The following WDR27 variants were observed in gnomAD, a reference collection of about 807,000 sequenced individuals.
WDR27 encodes the protein WD repeat-containing protein 27.
A neutral mutation model predicts 114.4 loss-of-function variants in WDR27; 100 were observed. The ratio of observed to expected loss-of-function variants is 0.87; its 90% CI spans 0.74 to 1.03. The LOEUF is 1.03. Among genes scored for constraint, WDR27 ranks in the 50% least tolerant of loss-of-function variants. The pLI is 0.00. For synonymous variants in WDR27, 449 were observed against 423.1 expected (o/e 1.06, Z -0.75); for missense variants, 1,129 against 1,092.9 (o/e 1.03, Z -0.47).
chr6:169,603,213 A>G (rs2128172110), intron 22 of WDR27, among the ~76,000 whole-genome samples: 1 of 151,520 alleles, frequency 6.6e-6, no homozygotes, highest in South Asian at 2.1e-4. Context: ...GCACTGTTGC[A>G]ATGGCCAAGA....
At chr6:169,666,610 T>C (rs1827893933) in intron 6 of WDR27, 2 of 985,628 alleles carry the variant, frequency 2.0e-6, no homozygotes, top group Middle Eastern at 5.2e-4. Flanking sequence ...GACGGACGCC[T>C]GCACCATCAA....
downstream of WDR27, among the ~76,000 whole-genome samples, chr6:169,452,570 A>T (rs190661099): frequency 2.4e-3 from 181 of 74,942 alleles, 5 homozygotes; most frequent in East Asian, 0.043. Flanking sequence ...GCGTGGGGTC[A>T]GAGAGGAGCC....
intron 2 of WDR27, among the ~76,000 whole-genome samples, chr6:169,688,616 T>C (rs1305699769): frequency 6.6e-6 from 1 of 152,028 alleles, no homozygotes; most frequent in Admixed American, 6.5e-5. Flanking sequence ...CCAAATCACT[T>C]GTGTTCTAAA....
chr6:169,578,015 C>T (rs548057442), intron 24 of WDR27, among the ~76,000 whole-genome samples: 7 of 152,202 alleles, frequency 4.6e-5, no homozygotes, highest in Non-Finnish European at 8.8e-5. Flanking sequence ...TCTCTCTCCC[C>T]AACCATCTTC....
chr6:169,624,482 T>A (rs1373031082), intron 21 of WDR27, among the ~76,000 whole-genome samples: 1 of 152,116 alleles, frequency 6.6e-6, no homozygotes, highest in African/African-American at 2.4e-5. Flanking sequence ...TCGGAACTGC[T>A]TAGGGAGCCG....
intron 25 of WDR27, among the ~76,000 whole-genome samples, chr6:169,519,960 C>G (rs77827315): frequency 6.6e-6 from 1 of 152,008 alleles, no homozygotes; most frequent in Non-Finnish European, 1.5e-5. Context: ...TTGAGGTGGA[C>G]GACCAGCTTC....
intron 7 of WDR27, chr6:169,665,173 C>T (rs1007316163): frequency 1.7e-5 from 19 of 1,093,768 alleles, no homozygotes; most frequent in Non-Finnish European, 2.1e-5. Flanking sequence ...GAGCGGGGGA[C>T]GTCTGCTCAC....
rs927148826 is a variant in WDR27, at chr6:169,662,557, A to G, written c.905-133T>C. The G allele has an allele frequency of 5.0e-6, 6 of 1,196,088 alleles. No individual in the cohort carries two copies. In the African/African-American group the frequency reaches 7.6e-5, roughly 15 times the overall value. The allele number at this position is 1,196,088 out of a possible 1,614,324, so 74.1% of individuals were successfully genotyped here. ...AGTCACTCGGATCACGCGTCGAGGA[A>G]AGCACTAAGGTAACACCCAGCATGA... On this transcript the variant is annotated intron_variant, in intron 8 of 25. Coordinates refer to ENST00000448612, the MANE Select transcript of WDR27 (RefSeq NM_182552.5).
chr6:169,494,922 T>C (rs2115451191), intron 25 of WDR27, among the ~76,000 whole-genome samples: 1 of 152,316 alleles, frequency 6.6e-6, no homozygotes, highest in South Asian at 2.1e-4. Context: ...AATTATTTAC[T>C]CCTTTAAGTA....
intron 21 of WDR27, among the ~76,000 whole-genome samples, chr6:169,624,202 C>T (rs893442236): frequency 2.7e-5 from 4 of 149,148 alleles, no homozygotes; most frequent in Non-Finnish European, 5.9e-5. Flanking sequence ...AGGTGTGCGG[C>T]ATGTGGCAGG....
downstream of WDR27, among the ~76,000 whole-genome samples, chr6:169,455,404 T>G (rs117677013): frequency 1.3e-3 from 205 of 152,378 alleles, 3 homozygotes; most frequent in East Asian, 0.032. Flanking sequence ...CATGTTATTT[T>G]TATTACTACC....
chr6:169,659,939 G>A lies in WDR27; in HGVS notation c.1130-421C>T, dbSNP rs1050183482. 2.6e-5 allele frequency among the ~76,000 whole-genome samples: 4 copies of A among 151,930 alleles called. No homozygotes were observed. Among genetic ancestry groups the A allele is most frequent in the African/African-American group, 4.8e-5 (2 of 41,338 alleles). On this transcript the variant is annotated intron_variant, in intron 10 of 25. Transcript: ENST00000448612. The surrounding 1 kb of genome is among the most constrained non-coding windows in gnomAD (Gnocchi z 4.3). Reference sequence around the variant, plus strand: ...CTGAGCTGGGGAGGGGCAGGGATGGGCGGCTGAAGGGAAGGGCGTGTGTGA... The same window carrying A: ...CTGAGCTGGGGAGGGGCAGGGATGGACGGCTGAAGGGAAGGGCGTGTGTGA...
intron 13 of WDR27, among the ~76,000 whole-genome samples, chr6:169,657,603 G>GT (rs1282054547): frequency 8.0e-4 from 122 of 152,304 alleles, no homozygotes; most frequent in African/African-American, 2.9e-3. Flanking sequence ...GGGTTAGACT[G>GT]GTCACTGAAG....
Position 169,688,985 on chromosome 6 carries a change from AATG to A in WDR27, c.18_20del (p.Ile7del), listed in dbSNP as rs1783773706. ...TTAGACAGCCACCATTACTTGAGAA[AATG>A]TCTTGGGGATTTTCCATCTTCAATC... On this transcript the variant is annotated inframe_deletion, in exon 2 of 26. Coordinates refer to ENST00000448612, the MANE Select transcript of WDR27 (RefSeq NM_182552.5). 1.9e-6 allele frequency: 3 copies of A among 1,612,714 alleles called. No individual in the cohort carries two copies. The highest frequency in any genetic ancestry group is 2.5e-6 in the Non-Finnish European group (3 of 1,179,428).
rs920734121 is a variant in WDR27, at chr6:169,684,939, A to C, written c.189+3878T>G. ...GCCAGACCCCAAGTTGGCTGACCCTATGTGTACATGTGTACCCCCAACCTG... is the reference window on the plus strand; with the variant it reads ...GCCAGACCCCAAGTTGGCTGACCCTCTGTGTACATGTGTACCCCCAACCTG... On this transcript the variant is annotated intron_variant, in intron 2 of 25. Transcript: ENST00000448612. This position sits in a 1 kb window ranked among gnomAD's most constrained non-coding sequence, Gnocchi z 4.3. Among the ~76,000 whole-genome samples the C allele has an allele frequency of 2.6e-5, 4 of 152,190 alleles. No homozygotes were observed. Among genetic ancestry groups the C allele is most frequent in the Non-Finnish European group, 5.9e-5 (4 of 68,024 alleles).
At chr6:169,516,668 T>C (rs1793684374) in intron 25 of WDR27, among the ~76,000 whole-genome samples, 2 of 152,064 alleles carry the variant, frequency 1.3e-5, no homozygotes, top group Non-Finnish European at 2.9e-5. Flanking sequence ...GAAGGTCATG[T>C]GTGTCCCCAA....
intron 2 of WDR27, among the ~76,000 whole-genome samples, chr6:169,681,921 T>C (rs1400328733): frequency 6.6e-6 from 1 of 152,032 alleles, no homozygotes; most frequent in Non-Finnish European, 1.5e-5. Context: ...CTGTGCCAAC[T>C]AGACCTCTCT....
chr6:169,651,196 TG>T (rs1822437195), intron 14 of WDR27, among the ~76,000 whole-genome samples: 1 of 11,678 alleles, frequency 8.6e-5, no homozygotes, highest in Non-Finnish European at 1.5e-4. Flanking sequence ...GGGGGGGGAG[TG>T]GGGGAGTGGG....
intron 22 of WDR27, among the ~76,000 whole-genome samples, chr6:169,609,553 G>A (rs1161058159): frequency 6.6e-6 from 1 of 152,198 alleles, no homozygotes; most frequent in African/African-American, 2.4e-5. Flanking sequence ...CATGGCTGGA[G>A]CGGCTGGGAC....
Sources: allele counts gnomAD v4.1 joint callset (sites outside exome capture counted in the v4.1 genomes callset), GRCh38; gene constraint gnomAD v4.1.1; non-coding constraint Gnocchi (gnomAD v3.1); transcripts MANE v1.5; gene names NCBI Gene and HGNC (gene_info 2026-07-23, HGNC 2026-07-21).